FAM153A: variants seen among roughly 807,000 people sequenced by gnomAD.
FAM153A encodes family with sequence similarity 153 member A, also known as protein FAM153A.
In FAM153A, 12 loss-of-function variants were observed where a neutral mutation model predicts 48.1. The ratio of observed to expected loss-of-function variants is 0.25; its 90% CI spans 0.16 to 0.40. The LOEUF is 0.40. Ranked by LOEUF, FAM153A falls within the 10% of genes least tolerant of loss-of-function variation. The pLI is 1.00. For synonymous variants in FAM153A, 36 were observed against 118.2 expected, an observed-to-expected ratio of 0.30 and a Z score of 4.51; for missense variants, 111 against 345.8, an observed-to-expected ratio of 0.32 and a Z score of 5.38.
downstream of FAM153A, among the ~76,000 whole-genome samples, chr5:177,710,494 G>A (rs919770027): frequency 2.0e-5 from 3 of 151,698 alleles, no homozygotes; most frequent in Non-Finnish European, 4.4e-5. Context: ...TCTGAGCAGT[G>A]TTTTGTTCTC....
upstream of FAM153A, among the ~76,000 whole-genome samples, chr5:177,755,683 A>G (rs550630597): frequency 3.9e-4 from 59 of 151,538 alleles, 2 homozygotes; most frequent in African/African-American, 1.1e-3. Context: ...CCAATATTCA[A>G]CATTCTTAAA....
At chr5:177,716,963 T>TTGTGTGTGTGTGTGTGTGTGTGTGTG (rs1561866290) in intron 24 of FAM153A, among the ~76,000 whole-genome samples, 1 of 56,354 alleles carries the variant, frequency 1.8e-5, no homozygotes, top group African/African-American at 7.5e-5. Flanking sequence ...CATTCCCGCT[T>TTGTGTGTGTGTGTGTGTGTGTGTGTG]AGTGTGTGTG....
At chr5:177,743,575 T>G (rs1225946305) in intron 6 of FAM153A, among the ~76,000 whole-genome samples, 1 of 125,342 alleles carries the variant, frequency 8.0e-6, no homozygotes, top group African/African-American at 3.1e-5. Flanking sequence ...CAACCCCACC[T>G]GCAGGCTCCT....
rs1769007414 is a variant in FAM153A at position 177,769,806 on chromosome 5, A to G, written c.-57+10643T>C. Among the ~76,000 whole-genome samples, 3 of 97,012 alleles carry G rather than the reference A, an allele frequency of 3.1e-5. 1 individual carries two copies. Among genetic ancestry groups the G allele is most frequent in the African/African-American group, 1.2e-4 (3 of 24,482 alleles). The allele number at this position is 97,012 out of a possible 152,430, so 63.6% of individuals were successfully genotyped here. On this transcript the variant is annotated intron_variant, in intron 1 of 8. Transcript: ENST00000393518. ...AACCACTGGAAAGATCACTCCTTTA[A>G]GAGCTTATCCACTCGGAACCACGCC...
rs796259742 is a variant in FAM153A, at chr5:177,769,731, T to C, written c.-57+10718A>G. Among the ~76,000 whole-genome samples the C allele has an allele frequency of 1.5e-4, 14 of 95,196 alleles. 1 individual carries two copies. The highest frequency in any genetic ancestry group is 4.4e-4 in the Admixed American group (4 of 9,118). The allele number at this position is 95,196 out of a possible 152,430, so 62.5% of individuals were successfully genotyped here. Reference sequence around the variant, plus strand: ...TTAGTTGTAGCTATATACTCTGCCCTACGTATAACAAGGCCCAAATTCACC... The same window carrying C: ...TTAGTTGTAGCTATATACTCTGCCCCACGTATAACAAGGCCCAAATTCACC... On this transcript the variant is annotated intron_variant, in intron 1 of 8. Coordinates refer to the FAM153A transcript ENST00000393518.
chr5:177,783,176 A>C (rs1285052954), upstream of FAM153A: 2 of 107,524 alleles, frequency 1.9e-5, 1 homozygote, highest in African/African-American at 7.3e-5. Flanking sequence ...ACCCGCCCCC[A>C]CCGCTGCTCG....
At chr5:177,707,442 A>G (rs1757967032), downstream of FAM153A, among the ~76,000 whole-genome samples, 1 of 151,946 alleles carries the variant, frequency 6.6e-6, no homozygotes, top group Admixed American at 6.5e-5. Flanking sequence ...TTCTTGGAAA[A>G]AAAAGGAAAC....
At chr5:177,738,186 G>A (rs1405854840) in intron 10 of FAM153A, among the ~76,000 whole-genome samples, 4 of 151,292 alleles carry the variant, frequency 2.6e-5, no homozygotes, top group Admixed American at 6.6e-5. Context: ...TTTTTCCTTC[G>A]GTTCTCATTT....
At chr5:177,779,049 AC>A (rs1769450498) in intron 1 of FAM153A, among the ~76,000 whole-genome samples, 1 of 150,398 alleles carries the variant, frequency 6.6e-6, no homozygotes, top group African/African-American at 2.5e-5. Flanking sequence ...CTGGAAAAAA[AC>A]ATAACCATTG....
chr5:177,700,976 G>A, the FAM153A span, among the ~76,000 whole-genome samples: 27 of 152,064 alleles, frequency 1.8e-4, no homozygotes, highest in African/African-American at 6.5e-4. Context: ...TGTTGGAAGT[G>A]GGGCCTGATG....
At chr5:177,713,019 C>G (rs1304575903) in exon 27 of FAM153A, 1 of 151,898 alleles carries the variant, frequency 6.6e-6, no homozygotes, top group African/African-American at 2.4e-5. Context: ...AGAGAGACAC[C>G]TCCCAAAGCC....
upstream of FAM153A, among the ~76,000 whole-genome samples, chr5:177,781,264 ATTT>A (rs1303137176): frequency 6.9e-4 from 52 of 75,242 alleles, no homozygotes; most frequent in African/African-American, 1.9e-3. Context: ...ACGCCCGGCT[ATTT>A]TTTTTTTTTT....
chr5:177,760,106 C>T (rs1405050687), intron 1 of FAM153A, among the ~76,000 whole-genome samples: 2 of 148,590 alleles, frequency 1.3e-5, no homozygotes, highest in Non-Finnish European at 1.5e-5. Context: ...TAATTGTCAA[C>T]AACTGAATAG....
rs867988014 is a variant in FAM153A, at chr5:177,728,473, T to C, written c.964+550A>G. On this transcript the variant is annotated intron_variant, in intron 18 of 20. Coordinates refer to ENST00000614127, the Ensembl canonical transcript of FAM153A. ...TCTGTCCCTCCCAACTCTGATGTACTACCCCACCTTACATGACACTGCTGC... is the reference window on the plus strand; with the variant it reads ...TCTGTCCCTCCCAACTCTGATGTACCACCCCACCTTACATGACACTGCTGC... 1.8e-4 allele frequency among the ~76,000 whole-genome samples: 27 copies of C among 148,100 alleles called. No homozygotes were observed. The Middle Eastern group carries it at 0.011, about 58-fold the overall frequency.
exon 27 of FAM153A, chr5:177,712,776 T>A (rs913908531): frequency 2.0e-5 from 3 of 151,784 alleles, no homozygotes; most frequent in Non-Finnish European, 2.9e-5. Flanking sequence ...TATCAGGTGG[T>A]CTTTGTAGCC....
At chr5:177,700,097 C>A in the FAM153A span, among the ~76,000 whole-genome samples, 1 of 152,022 alleles carries the variant, frequency 6.6e-6, no homozygotes, top group African/African-American at 2.4e-5. Flanking sequence ...GAATAAAGCA[C>A]AAAACCCACA....
chr5:177,703,159 C>A (rs1290093578), downstream of FAM153A, among the ~76,000 whole-genome samples: 1 of 150,824 alleles, frequency 6.6e-6, no homozygotes, highest in Non-Finnish European at 1.5e-5. Context: ...AGAGTGGTGT[C>A]GGGGGCTGAG....
rs527589000 is a variant in FAM153A, at chr5:177,741,587, C to A, written c.365-255G>T. Among the ~76,000 whole-genome samples the A allele has an allele frequency of 1.1e-3, 98 of 90,858 alleles. 14 individuals are homozygous for A. Among genetic ancestry groups the A allele is most frequent in the African/African-American group, 3.2e-3 (87 of 27,168 alleles). The allele number at this position is 90,858 out of a possible 152,430, so 59.6% of individuals were successfully genotyped here. On this transcript the variant is annotated intron_variant, in intron 6 of 20. Transcript: ENST00000614127. ...GGCAGTGTCTCATCATTCCCCTATG[C>A]GTTTTGAGGCCTGGGAAATTTCCAC...
At chr5:177,783,119 G>A (rs1318624706), upstream of FAM153A, among the ~76,000 whole-genome samples, 1 of 102,998 alleles carries the variant, frequency 9.7e-6, no homozygotes, top group African/African-American at 3.8e-5. Context: ...TGCCTGGCTG[G>A]TGTCAGGTAG....
Sources: allele counts gnomAD v4.1 joint callset (sites outside exome capture counted in the v4.1 genomes callset), GRCh38; gene constraint gnomAD v4.1.1; transcripts MANE v1.5; gene names NCBI Gene and HGNC (gene_info 2026-07-23, HGNC 2026-07-21).